Variants in AKAP12 observed in about 807,000 individuals in gnomAD.
AKAP12 encodes A-kinase anchoring protein 12, also known as A-kinase anchor protein 12.
In AKAP12, 32 loss-of-function variants were observed where a neutral mutation model predicts 79.9. That is an observed-to-expected ratio of 0.40 (90% CI 0.30 to 0.54). The LOEUF (loss-of-function observed/expected upper bound fraction) is 0.54. Ranked by LOEUF, AKAP12 falls within the 20% of genes least tolerant of loss-of-function variation. The pLI, the probability that AKAP12 is intolerant of heterozygous loss-of-function variation, is 0.48. For missense variants in AKAP12, 2,074 were observed against 2,177.0 expected (o/e 0.95, Z 0.94); for synonymous variants, 808 against 857.0 (o/e 0.94, Z 1.00).
At chr6:151,332,278 C>T (rs563696354) in intron 3 of AKAP12, among the ~76,000 whole-genome samples, 4 of 152,030 alleles carry the variant, frequency 2.6e-5, no homozygotes, top group East Asian at 1.9e-4. Flanking sequence ...CCTCGTGATC[C>T]GCCCGCCTCG....
At chr6:151,304,165 T>G (rs185974093) in intron 2 of AKAP12, among the ~76,000 whole-genome samples, 5 of 152,252 alleles carry the variant, frequency 3.3e-5, no homozygotes, top group Admixed American at 2.6e-4. Flanking sequence ...GGCTTAAAAT[T>G]TTTTTACCTA....
chr6:151,280,930 C>T lies in AKAP12; in HGVS notation c.163-24817C>T, dbSNP rs562417935. Among the ~76,000 whole-genome samples the T allele has an allele frequency of 2.6e-5, 4 of 152,240 alleles. No homozygotes were observed. In the East Asian group the frequency reaches 7.7e-4, roughly 29 times the overall value. ...AGTTGCAGTTAGCTTGAAACACTCG[C>T]GTTTTGCTTTCACTTAGAGAATTAC... On this transcript the variant is annotated intron_variant, in intron 2 of 4. Transcript: ENST00000402676.
At chr6:151,268,226 A>G (rs544130166) in intron 2 of AKAP12, among the ~76,000 whole-genome samples, 1 of 152,282 alleles carries the variant, frequency 6.6e-6, no homozygotes, top group East Asian at 1.9e-4. Context: ...CAGCCTGACC[A>G]ACATGGAGAT....
At chr6:151,251,501 G>T (rs1279394207) in intron 2 of AKAP12, among the ~76,000 whole-genome samples, 2 of 152,098 alleles carry the variant, frequency 1.3e-5, no homozygotes, top group African/African-American at 2.4e-5. Flanking sequence ...TTGGCATGGG[G>T]GTAAGTCACA....
At chr6:151,354,177 T>C (rs1453175624) in intron 4 of AKAP12, among the ~76,000 whole-genome samples, 1 of 151,160 alleles carries the variant, frequency 6.6e-6, no homozygotes, top group Non-Finnish European at 1.5e-5. Context: ...CAAAAAAAAC[T>C]AGTGCCCCCA....
chr6:151,310,127 C>T (rs1325915302), intron 3 of AKAP12, among the ~76,000 whole-genome samples: 1 of 152,022 alleles, frequency 6.6e-6, no homozygotes, highest in East Asian at 1.9e-4. Flanking sequence ...CTTTGGGGGG[C>T]CGAGGCGAGT....
intron 2 of AKAP12, among the ~76,000 whole-genome samples, chr6:151,272,493 T>TGATAGATA (rs76256853): frequency 0.077 from 11,061 of 144,248 alleles, 465 homozygotes; most frequent in East Asian, 0.14. Context: ...TTTCATGAGA[T>TGATAGATA]GATAGATAGA....
intron 2 of AKAP12, among the ~76,000 whole-genome samples, chr6:151,242,654 G>A (rs552984826): frequency 3.0e-4 from 45 of 152,322 alleles, no homozygotes; most frequent in Admixed American, 2.4e-3. Context: ...TTCTTGTTAA[G>A]CTCCAATTCC....
intron 2 of AKAP12, among the ~76,000 whole-genome samples, chr6:151,283,836 G>A: frequency 6.6e-6 from 1 of 152,126 alleles, no homozygotes; most frequent in Non-Finnish European, 1.5e-5. Flanking sequence ...TTTTTCCGTT[G>A]GCAAGTCCCG....
intron 2 of AKAP12, among the ~76,000 whole-genome samples, chr6:151,269,145 T>C (rs1042367648): frequency 6.6e-6 from 1 of 151,788 alleles, no homozygotes; most frequent in African/African-American, 2.4e-5. Flanking sequence ...CTGTGGACAG[T>C]TGAATGTAGA....
chr6:151,323,259 T>C (rs1324843044), intron 3 of AKAP12, among the ~76,000 whole-genome samples: 1 of 152,112 alleles, frequency 6.6e-6, no homozygotes. Context: ...TCTTTAAGAA[T>C]ATCAAATCAG....
intron 2 of AKAP12, among the ~76,000 whole-genome samples, chr6:151,278,813 A>T (rs1405518106): frequency 1.3e-5 from 2 of 151,832 alleles, no homozygotes; most frequent in Non-Finnish European, 2.9e-5. Context: ...GAGTACAGGC[A>T]CCTGCCACCA....
intron 3 of AKAP12, among the ~76,000 whole-genome samples, chr6:151,320,224 C>T (rs547288258): frequency 7.2e-5 from 11 of 152,114 alleles, no homozygotes; most frequent in African/African-American, 2.2e-4. Context: ...CCACTGGTCC[C>T]GCCTCCAGAC....
At chr6:151,291,606 A>G (rs1207534894) in intron 2 of AKAP12, among the ~76,000 whole-genome samples, 1 of 152,168 alleles carries the variant, frequency 6.6e-6, no homozygotes, top group Non-Finnish European at 1.5e-5. Flanking sequence ...GGCTGCTTGT[A>G]TTCCGTGGCG....
intron 3 of AKAP12, among the ~76,000 whole-genome samples, chr6:151,312,809 A>AAAAAAAC (rs1248913264): frequency 6.6e-6 from 1 of 151,238 alleles, no homozygotes. Flanking sequence ...AAAAAAAAAA[A>AAAAAAAC]AAGAATCATG....
intron 2 of AKAP12, among the ~76,000 whole-genome samples, chr6:151,284,649 CAA>C (rs1279951466): frequency 2.0e-5 from 3 of 152,080 alleles, no homozygotes. Flanking sequence ...AAACCAAAAA[CAA>C]AGAATGAACA....
chr6:151,341,871 C>T (rs1777959814), intron 3 of AKAP12: 2 of 1,114,764 alleles, frequency 1.8e-6, no homozygotes, highest in Middle Eastern at 2.4e-4. Context: ...AGGGACAGGT[C>T]GGGAAGGGCC....
intron 2 of AKAP12, among the ~76,000 whole-genome samples, chr6:151,244,657 G>A (rs114384058): frequency 1.3e-3 from 201 of 152,314 alleles, no homozygotes; most frequent in African/African-American, 4.3e-3. Context: ...TGGCCTCAAA[G>A]TGACTACATC....
chr6:151,268,227 A>G (rs1776093983), intron 2 of AKAP12, among the ~76,000 whole-genome samples: 1 of 152,122 alleles, frequency 6.6e-6, no homozygotes, highest in Non-Finnish European at 1.5e-5. Flanking sequence ...AGCCTGACCA[A>G]CATGGAGATG....
Sources: gnomAD v4.1 joint callset for allele counts (sites outside exome capture counted in the v4.1 genomes callset) on GRCh38, gnomAD v4.1.1 for gene constraint, MANE v1.5 for transcripts, NCBI Gene and HGNC (gene_info 2026-07-23, HGNC 2026-07-21) for gene names.